OSBPL10: variants seen among roughly 807,000 people sequenced by gnomAD.
OSBPL10 encodes the protein oxysterol-binding protein-related protein 10.
OSBPL10 carries 49 observed loss-of-function variants against 81.7 expected under a neutral mutation model. The observed-to-expected ratio is 0.60, with a 90% confidence interval of 0.48 to 0.76. The LOEUF (loss-of-function observed/expected upper bound fraction) is 0.76. OSBPL10 is among the 30% of genes least tolerant of loss of function. The probability of loss-of-function intolerance (pLI) is 0.00; values close to 1 mark genes in which losing one functional copy is unlikely to be tolerated. For synonymous variants in OSBPL10, 419 were observed against 383.6 expected (o/e 1.09, Z -1.08); for missense variants, 923 against 987.8 (o/e 0.93, Z 0.88).
Position 31,664,248 on chromosome 3 carries a change from G to T in OSBPL10, c.2097-16C>A, listed in dbSNP as rs753176081. The stretch of plus-strand genomic sequence containing the variant: ...CCAGAGGTTCCTGGGGATGCGTGGA[G>T]GAGAGGAAACAATCAGCCAGGCCAG... On this transcript the variant is annotated splice_polypyrimidine_tract_variant and intron_variant, in intron 10 of 11. Coordinates refer to ENST00000396556, the MANE Select transcript of OSBPL10 (RefSeq NM_017784.5). 1 of 1,611,046 alleles carries T rather than the reference G, an allele frequency of 6.2e-7. No homozygotes were observed. Among genetic ancestry groups the T allele is most frequent in the East Asian group, 2.2e-5 (1 of 44,842 alleles).
chr3:31,849,503 T>G (rs1700708129), intron 3 of OSBPL10, among the ~76,000 whole-genome samples: 1 of 152,184 alleles, frequency 6.6e-6, no homozygotes, highest in African/African-American at 2.4e-5. Context: ...GTTTTAGAGA[T>G]AATTCTAGGT....
In OSBPL10 at chr3:32,010,820, G is replaced by C. The variant is rs146802909; in HGVS notation, n.298+35671C>G. On this transcript the variant is annotated intron_variant and non_coding_transcript_variant, in intron 2 of 3. Transcript: ENST00000479173. Reference sequence around the variant, plus strand: ...TCCCGTGCCTGGCTCAGAGGGTCCTGTGCCCATGGAGCCTCACTCATTGCT... The same window carrying C: ...TCCCGTGCCTGGCTCAGAGGGTCCTCTGCCCATGGAGCCTCACTCATTGCT... Among the ~76,000 whole-genome samples the C allele has an allele frequency of 9.8e-3, 1,495 of 152,316 alleles. 32 individuals carry two copies. The highest frequency in any genetic ancestry group is 0.034 in the African/African-American group (1,409 of 41,562).
intron 4 of OSBPL10, among the ~76,000 whole-genome samples, chr3:31,807,231 T>C (rs895274214): frequency 2.0e-5 from 3 of 151,816 alleles, no homozygotes; most frequent in African/African-American, 7.3e-5. Context: ...AATACAAAAA[T>C]TAGCCAGGCG....
chr3:32,050,887 C>T (rs76386884), intron 1 of OSBPL10, among the ~76,000 whole-genome samples: 2,388 of 152,146 alleles, frequency 0.016, 61 homozygotes, highest in East Asian at 0.089. Context: ...CTCGAACTCC[C>T]AACCTCAGGT....
intron 1 of OSBPL10, among the ~76,000 whole-genome samples, chr3:32,050,136 C>T (rs775001376): frequency 1.3e-5 from 2 of 152,202 alleles, no homozygotes; most frequent in Non-Finnish European, 2.9e-5. Context: ...ATGGGCAGTA[C>T]TTTCTCTTGA....
intron 3 of OSBPL10, among the ~76,000 whole-genome samples, chr3:31,864,616 G>A (rs1701132305): frequency 6.6e-6 from 1 of 152,030 alleles, no homozygotes; most frequent in Admixed American, 6.6e-5. Flanking sequence ...TCCCAGCAAA[G>A]GAAACAGCAG....
rs371751986 is a variant in OSBPL10, at chr3:31,817,230, G to A, written c.729+12810C>T. 3.3e-5 allele frequency among the ~76,000 whole-genome samples: 5 copies of A among 152,310 alleles called. No homozygotes were observed. The East Asian group carries it at 7.7e-4, about 24-fold the overall frequency. On this transcript the variant is annotated intron_variant, in intron 4 of 11. Coordinates refer to ENST00000396556, the MANE Select transcript of OSBPL10 (RefSeq NM_017784.5). ...TTCAGGCCCTCCCTGGCCTAAAGATGGGGCCTTACTGGGGCCTGCCCCCCT... is the reference window on the plus strand; with the variant it reads ...TTCAGGCCCTCCCTGGCCTAAAGATAGGGCCTTACTGGGGCCTGCCCCCCT...
intron 3 of OSBPL10, among the ~76,000 whole-genome samples, chr3:31,864,732 G>A (rs993544929): frequency 1.1e-4 from 16 of 152,130 alleles, no homozygotes; most frequent in Non-Finnish European, 2.1e-4. Context: ...AACTGGACCC[G>A]AAATGAGTGG....
chr3:31,664,382 G>A, intron 10 of OSBPL10, 150 bp from the exon 11 acceptor site: 1 of 707,848 alleles, frequency 1.4e-6, no homozygotes, highest in Non-Finnish European at 2.3e-6. Context: ...GACCCCGAGA[G>A]CCTAGATTTG....
At chr3:31,990,834 G>A in intron 2 of OSBPL10, 1 of 1,591,232 alleles carries the variant, frequency 6.3e-7, no homozygotes, top group Non-Finnish European at 8.6e-7. Flanking sequence ...CAAAACAAAG[G>A]AGAATTCATA....
chr3:31,663,695 G>A lies in OSBPL10; in HGVS notation c.2250+384C>T, dbSNP rs997934713. The A allele has an allele frequency of 5.4e-6, 6 of 1,117,666 alleles. No homozygotes were observed. In the African/African-American group the frequency reaches 9.7e-5, roughly 18 times the overall value. 69.2% of individuals were successfully genotyped at this position (1,117,666 alleles called of 1,614,324 possible). On this transcript the variant is annotated intron_variant, in intron 11 of 11. Transcript: ENST00000396556. Reference sequence around the variant, plus strand: ...GCCCACCCAGGTGTTGAGATGGCCTGTGAGGCACTCCTCAACTAATTTGTT... The same window carrying A: ...GCCCACCCAGGTGTTGAGATGGCCTATGAGGCACTCCTCAACTAATTTGTT...
rs1171273062 is a variant in OSBPL10, at chr3:32,065,995, GAA to G, written n.185+11399_185+11400del. On this transcript the variant is annotated intron_variant and non_coding_transcript_variant, in intron 1 of 3. Transcript: ENST00000479173. ...AGAAAGAAAGAAAGAAAGAAAGAAA[GAA>G]AGAAAGAAAGAGAAAGAAAGAAAGA... Among the ~76,000 whole-genome samples the G allele has an allele frequency of 7.6e-4, 48 of 63,468 alleles. 9 individuals are homozygous for G. The highest frequency in any genetic ancestry group is 1.6e-3 in the African/African-American group (42 of 27,080). The allele number at this position is 63,468 out of a possible 152,430, so 41.6% of individuals were successfully genotyped here.
chr3:32,066,831 T>C (rs890065615), intron 1 of OSBPL10, among the ~76,000 whole-genome samples: 1 of 152,140 alleles, frequency 6.6e-6, no homozygotes, highest in Non-Finnish European at 1.5e-5. Flanking sequence ...AGGTCATTGA[T>C]TTGGACTGAG....
chr3:31,953,447 G>T (rs916415579), intron 1 of OSBPL10, among the ~76,000 whole-genome samples: 18 of 151,884 alleles, frequency 1.2e-4, no homozygotes, highest in African/African-American at 4.4e-4. Context: ...TGAGGACAGG[G>T]TCTAGACTGG....
At chr3:31,948,568 T>C (rs1283805584) in intron 1 of OSBPL10, among the ~76,000 whole-genome samples, 1 of 152,182 alleles carries the variant, frequency 6.6e-6, no homozygotes, top group African/African-American at 2.4e-5. Context: ...GTCATATAAC[T>C]AACAACTTTC....
intron 1 of OSBPL10, among the ~76,000 whole-genome samples, chr3:32,062,712 G>A (rs1699758606): frequency 1.1e-5 from 1 of 94,378 alleles, no homozygotes; most frequent in African/African-American, 2.7e-5. Context: ...GCATTGCCAG[G>A]CTACCAGCAA....
At chr3:31,945,304 A>G (rs1016349938) in intron 1 of OSBPL10, among the ~76,000 whole-genome samples, 3 of 152,172 alleles carry the variant, frequency 2.0e-5, no homozygotes, top group Admixed American at 6.5e-5. Context: ...CCAAAGTTAC[A>G]GTCCCCAAAG....
intron 4 of OSBPL10, among the ~76,000 whole-genome samples, chr3:31,814,780 C>T (rs1010391113): frequency 7.2e-5 from 11 of 152,252 alleles, no homozygotes; most frequent in Admixed American, 5.2e-4. Context: ...AATAGAGGAT[C>T]CAAACCATGA....
intron 3 of OSBPL10, among the ~76,000 whole-genome samples, chr3:31,839,710 A>C (rs1700445875): frequency 6.6e-6 from 1 of 151,772 alleles, no homozygotes; most frequent in African/African-American, 2.4e-5. Context: ...GTGTTTGAGC[A>C]AGATGGACAG....
Sources: gnomAD v4.1 joint callset for allele counts (sites outside exome capture counted in the v4.1 genomes callset) on GRCh38, gnomAD v4.1.1 for gene constraint, MANE v1.5 for transcripts, NCBI Gene and HGNC (gene_info 2026-07-23, HGNC 2026-07-21) for gene names.